Variants in DLG2 observed in about 807,000 individuals in gnomAD.
DLG2 encodes the protein disks large homolog 2.
In DLG2, 45 loss-of-function variants were observed where a neutral mutation model predicts 132.5. The observed-to-expected ratio is 0.34, with a 90% confidence interval of 0.27 to 0.44. The LOEUF is 0.44. DLG2 is among the 20% of genes least tolerant of loss of function. The probability of loss-of-function intolerance (pLI) is 1.00; values close to 1 mark genes in which losing one functional copy is unlikely to be tolerated. For missense variants in DLG2, 1,045 were observed against 1,196.9 expected, an observed-to-expected ratio of 0.87 and a Z score of 1.87; for synonymous variants, 424 against 419.6, an observed-to-expected ratio of 1.01 and a Z score of -0.13.
intron 6 of DLG2, chr11:85,021,402 C>A: frequency 7.3e-7 from 1 of 1,372,592 alleles, no homozygotes; most frequent in Non-Finnish European, 1.0e-6. Context: ...GCACTGGAGC[C>A]AGGTTAATAT....
intron 7 of DLG2, among the ~76,000 whole-genome samples, chr11:84,364,634 A>G (rs1460380913): frequency 6.6e-6 from 1 of 152,060 alleles, no homozygotes; most frequent in African/African-American, 2.4e-5. Context: ...TCAGTATGAT[A>G]TTGGCTGTGG....
chr11:84,592,914 G>A lies in DLG2; in HGVS notation c.358-58183C>T, dbSNP rs193144794. On this transcript the variant is annotated intron_variant, in intron 6 of 27. Coordinates refer to ENST00000376104, the MANE Select transcript of DLG2 (RefSeq NM_001142699.3). ...AGAGCAAGACCATTCTGGCTAACAC[G>A]GTGAAACCCTGTCTCTACTAAAAAA... is the stretch of plus-strand genomic sequence containing the variant. Among the ~76,000 whole-genome samples, 708 of 114,218 alleles carry A rather than the reference G, an allele frequency of 6.2e-3. 7 individuals are homozygous for A. The highest frequency in any genetic ancestry group is 0.01 in the Admixed American group (91 of 8,772). The allele number at this position is 114,218 out of a possible 152,430, so 74.9% of individuals were successfully genotyped here. A position where few individuals can be genotyped will look rare whatever the true frequency, so the allele number is the denominator to read the frequency against.
intron 3 of DLG2, among the ~76,000 whole-genome samples, chr11:85,495,168 A>G (rs1249003227): frequency 6.6e-6 from 1 of 152,216 alleles, no homozygotes. Flanking sequence ...TACATTGGCA[A>G]AAGTACTGAC....
At chr11:83,784,655 G>T (rs1050597159) in intron 18 of DLG2, among the ~76,000 whole-genome samples, 2 of 152,158 alleles carry the variant, frequency 1.3e-5, no homozygotes, top group African/African-American at 4.8e-5. Flanking sequence ...ATTGCTTAAA[G>T]GAAACCAAGA....
intron 3 of DLG2, among the ~76,000 whole-genome samples, chr11:85,541,394 T>C (rs901179155): frequency 1.3e-5 from 2 of 151,786 alleles, no homozygotes; most frequent in Admixed American, 6.6e-5. Flanking sequence ...CAAGTCCAAT[T>C]TACTAACTTT....
At chr11:85,282,200 G>A (rs1462494178) in intron 4 of DLG2, among the ~76,000 whole-genome samples, 2 of 151,836 alleles carry the variant, frequency 1.3e-5, no homozygotes, top group African/African-American at 2.4e-5. Flanking sequence ...TGGGTACAAG[G>A]GTCTGTGAAG....
intron 7 of DLG2, among the ~76,000 whole-genome samples, chr11:84,416,706 G>C (rs762646188): frequency 4.6e-5 from 7 of 152,150 alleles, no homozygotes; most frequent in Non-Finnish European, 1.0e-4. Context: ...CAGTCAAATT[G>C]TTCCAACTCA....
intron 9 of DLG2, among the ~76,000 whole-genome samples, chr11:84,121,753 G>A (rs2154201747): frequency 1.3e-5 from 2 of 151,098 alleles, no homozygotes; most frequent in Middle Eastern, 6.8e-3. Flanking sequence ...AGTAGAGACG[G>A]GGTTTCACCG....
chr11:84,034,718 T>C (rs1435828352), intron 11 of DLG2, among the ~76,000 whole-genome samples: 1 of 152,094 alleles, frequency 6.6e-6, no homozygotes, highest in Admixed American at 6.6e-5. Flanking sequence ...AGACAGCAAG[T>C]AGCCAGAGTG....
chr11:83,484,307 T>C (rs1201029748), intron 21 of DLG2, 79 bp from the exon 22 acceptor site: 23 of 1,037,322 alleles, frequency 2.2e-5, no homozygotes, highest in Middle Eastern at 2.1e-4. Flanking sequence ...AACAACTAGT[T>C]TGTAAAAGCA....
chr11:85,029,324 AC>A (rs2060816716), intron 6 of DLG2, among the ~76,000 whole-genome samples: 1 of 152,150 alleles, frequency 6.6e-6, no homozygotes, highest in Admixed American at 6.6e-5. Flanking sequence ...AGCTGAATGA[AC>A]CAGTGCCCAT....
At chr11:83,979,096 A>G (rs2092551515) in intron 12 of DLG2, among the ~76,000 whole-genome samples, 1 of 152,170 alleles carries the variant, frequency 6.6e-6, no homozygotes, top group Admixed American at 6.6e-5. Flanking sequence ...TGCCAGGTCA[A>G]TGTTAGCTAT....
chr11:84,103,416 C>T (rs1260705427), intron 9 of DLG2, among the ~76,000 whole-genome samples: 5 of 152,112 alleles, frequency 3.3e-5, no homozygotes, highest in Non-Finnish European at 7.4e-5. Context: ...CTGGTTGACA[C>T]TCTTAGATCC....
At chr11:83,928,415 C>G (rs73508238) in intron 15 of DLG2, among the ~76,000 whole-genome samples, 243 of 152,072 alleles carry the variant, frequency 1.6e-3, no homozygotes, top group African/African-American at 4.8e-3. Flanking sequence ...GTGAATTTTT[C>G]AGGAAGGATG....
At chr11:83,997,089 T>G (rs975140940) in intron 11 of DLG2, among the ~76,000 whole-genome samples, 1 of 149,596 alleles carries the variant, frequency 6.7e-6, no homozygotes, top group Non-Finnish European at 1.5e-5. Context: ...CGTAAATATA[T>G]ATAACTACTA....
chr11:84,051,401 T>G (rs2096376496), intron 11 of DLG2, among the ~76,000 whole-genome samples: 1 of 151,856 alleles, frequency 6.6e-6, no homozygotes, highest in East Asian at 1.9e-4. Flanking sequence ...TAGACTGGAT[T>G]AAGAAAATAT....
chr11:85,399,889 A>C (rs1252533134), intron 3 of DLG2, among the ~76,000 whole-genome samples: 1 of 152,142 alleles, frequency 6.6e-6, no homozygotes, highest in Admixed American at 6.5e-5. Context: ...TTCATGTCTA[A>C]AACACCAAAA....
chr11:84,846,868 T>C (rs2081541221), intron 6 of DLG2, among the ~76,000 whole-genome samples: 1 of 152,144 alleles, frequency 6.6e-6, no homozygotes, highest in Admixed American at 6.5e-5. Context: ...ATAAATATCA[T>C]ATGCATATCT....
At chr11:84,889,262 G>A (rs35683266) in intron 6 of DLG2, among the ~76,000 whole-genome samples, 12 of 152,140 alleles carry the variant, frequency 7.9e-5, no homozygotes, top group African/African-American at 2.6e-4. Context: ...ATTGTTAAGC[G>A]CTAGGTAATA....
Sources: gnomAD v4.1 joint callset for allele counts (sites outside exome capture counted in the v4.1 genomes callset) on GRCh38, gnomAD v4.1.1 for gene constraint, MANE v1.5 for transcripts, NCBI Gene and HGNC (gene_info 2026-07-23, HGNC 2026-07-21) for gene names.